PTPRQ: variants seen among roughly 807,000 people sequenced by gnomAD.
The protein encoded by PTPRQ is protein tyrosine phosphatase receptor type Q, also known as phosphatidylinositol phosphatase PTPRQ.
PTPRQ carries 199 observed loss-of-function variants against 246.0 expected under a neutral mutation model. That is an observed-to-expected ratio of 0.81 (90% confidence interval 0.72 to 0.91). The LOEUF (loss-of-function observed/expected upper bound fraction) is 0.91. Ranked by LOEUF, PTPRQ falls within the 40% of genes least tolerant of loss-of-function variation. The probability of loss-of-function intolerance (pLI) is 0.00; values close to 1 mark genes in which losing one functional copy is unlikely to be tolerated. For synonymous variants in PTPRQ, 869 were observed against 853.2 expected (o/e 1.02, Z -0.32); for missense variants, 2,624 against 2,528.4 (o/e 1.04, Z -0.81).
intron 3 of PTPRQ, among the ~76,000 whole-genome samples, chr12:80,450,285 G>A (rs369383297): frequency 1.1e-4 from 17 of 152,224 alleles, no homozygotes; most frequent in South Asian, 2.1e-4. Flanking sequence ...GGGCTGAGAC[G>A]ATGGGGTTTT....
At chr12:80,480,342 C>T (rs1334721006) in intron 8 of PTPRQ, among the ~76,000 whole-genome samples, 4 of 152,100 alleles carry the variant, frequency 2.6e-5, no homozygotes, top group Non-Finnish European at 4.4e-5. Flanking sequence ...AAAGACACAA[C>T]ATACCAGAAT....
intron 33 of PTPRQ, among the ~76,000 whole-genome samples, chr12:80,622,614 C>T (rs543005051): frequency 6.6e-6 from 1 of 152,132 alleles, no homozygotes; most frequent in South Asian, 2.1e-4. Flanking sequence ...GATGAGGAAA[C>T]CAACACCCAG....
chr12:80,613,980 T>TCAGTTCTCAAAATTTA, intron 29 of PTPRQ, 144 bp downstream of exon 29: 1 of 1,064,578 alleles, frequency 9.4e-7, no homozygotes, highest in Non-Finnish European at 1.2e-6. Flanking sequence ...AAAATAAATT[T>TCAGTTCTCAAAATTTA]TGAGAACTGA....
chr12:80,565,550 A>G (rs1592661631), intron 25 of PTPRQ, among the ~76,000 whole-genome samples: 2 of 152,294 alleles, frequency 1.3e-5, no homozygotes, highest in Middle Eastern at 6.8e-3. Context: ...ATGTGTGTGC[A>G]TGCAAAAGCC....
chr12:80,597,516 A>C (rs907540937), intron 26 of PTPRQ, among the ~76,000 whole-genome samples: 1 of 152,040 alleles, frequency 6.6e-6, no homozygotes, highest in African/African-American at 2.4e-5. Flanking sequence ...TGATGGCTTG[A>C]TACATGTTTC....
chr12:80,591,173 T>G lies in PTPRQ; in HGVS notation c.4609+2721T>G, dbSNP rs1392044907. On this transcript the variant is annotated intron_variant, in intron 26 of 44. Transcript: ENST00000644991. ...CAGGATCTCATTCTTTCACCCAGGC[T>G]GGGGTGCTGGGGCACGGTCACAGCT... Among the ~76,000 whole-genome samples the G allele has an allele frequency of 2.8e-5, 4 of 142,558 alleles. 1 individual carries two copies. In the East Asian group the frequency reaches 8.9e-4, roughly 32 times the overall value. 93.5% of individuals were successfully genotyped at this position (142,558 alleles called of 152,430 possible).
intron 27 of PTPRQ, among the ~76,000 whole-genome samples, chr12:80,609,381 G>C (rs1016121507): frequency 4.7e-5 from 7 of 150,356 alleles, no homozygotes; most frequent in African/African-American, 1.7e-4. Flanking sequence ...AAGTTATAAG[G>C]GAAGGTCAAG....
At position 80,539,763 on chromosome 12, in the gene PTPRQ, G is replaced by T; in HGVS notation, c.2986-13G>T. 3.3e-6 allele frequency: 5 copies of T among 1,518,702 alleles called. No individual in the cohort carries two copies. The highest frequency in any genetic ancestry group is 4.4e-6 in the Non-Finnish European group (5 of 1,134,400). The allele number at this position is 1,518,702 out of a possible 1,614,324, so 94.1% of individuals were successfully genotyped here. On this transcript the variant is annotated splice_polypyrimidine_tract_variant and intron_variant, in intron 19 of 44. Transcript: ENST00000644991. ...AAAATACATTCTGAACAATGAATGT[G>T]TTTATTTTTCAGAATTTTACACTCC... is the stretch of plus-strand genomic sequence containing the variant.
At chr12:80,614,922 T>C (rs960203790) in intron 29 of PTPRQ, among the ~76,000 whole-genome samples, 6 of 151,038 alleles carry the variant, frequency 4.0e-5, no homozygotes, top group African/African-American at 1.2e-4. Context: ...TGCAACTAAT[T>C]AATAATTTTT....
intron 17 of PTPRQ, among the ~76,000 whole-genome samples, chr12:80,529,672 G>GA (rs566558049): frequency 0.014 from 2,130 of 149,392 alleles, 50 homozygotes; most frequent in African/African-American, 0.05. Flanking sequence ...TATGTCTTTT[G>GA]AAAAAAAAAT....
rs961942955 is a variant in PTPRQ at position 80,610,147 on chromosome 12, C to A, written c.4732-292C>A. Reference sequence around the variant, plus strand: ...GCTTTCTTCTACAAAATATTGGAGTCAAAAGTAGAGTTTCATTGACTGCAA... The same window carrying A: ...GCTTTCTTCTACAAAATATTGGAGTAAAAAGTAGAGTTTCATTGACTGCAA... On this transcript the variant is annotated intron_variant, in intron 27 of 44. Coordinates refer to ENST00000644991, the MANE Select transcript of PTPRQ (RefSeq NM_001145026.2). 3.3e-5 allele frequency among the ~76,000 whole-genome samples: 5 copies of A among 150,368 alleles called. No homozygotes were observed. The South Asian group carries it at 8.3e-4, about 25-fold the overall frequency.
intron 43 of PTPRQ, among the ~76,000 whole-genome samples, chr12:80,675,075 T>C (rs2121295935): frequency 6.6e-6 from 1 of 152,238 alleles, no homozygotes; most frequent in South Asian, 2.1e-4. Context: ...CATTCCCTCA[T>C]ATACTGAGTT....
At chr12:80,508,546 A>C (rs894225805) in intron 16 of PTPRQ, among the ~76,000 whole-genome samples, 3 of 151,992 alleles carry the variant, frequency 2.0e-5, no homozygotes, top group Non-Finnish European at 2.9e-5. Flanking sequence ...TGAAGTCCTC[A>C]TGCCAGGTAG....
chr12:80,493,337 T>G lies in PTPRQ; in HGVS notation c.1422T>G (p.Tyr474Ter), dbSNP rs1310845455. Residue 474 changes from tyrosine to a stop codon, truncating the protein, a stop_gained, in exon 10 of 45, where the codon TAT (tyrosine) becomes TAG (stop). Coordinates refer to ENST00000644991, the MANE Select transcript of PTPRQ (RefSeq NM_001145026.2). LOFTEE classifies it high-confidence loss of function. ...VNIVEPMVGL[Y>*]EGSAEMSSDL... The stretch of plus-strand genomic sequence containing the variant: ...TAGTAGAGCCAATGGTAGGATTATA[T>G]GAGGGTTCAGCAGAGATGTCGTCTG... 3 of 1,549,708 alleles carry G rather than the reference T, an allele frequency of 1.9e-6. No individual in the cohort carries two copies. Among genetic ancestry groups the G allele is most frequent in the Non-Finnish European group, 2.6e-6 (3 of 1,145,722 alleles).
In PTPRQ at chr12:80,541,334, C is replaced by T. The variant is rs11114501; in HGVS notation, c.3155-221C>T. On this transcript the variant is annotated intron_variant, in intron 20 of 44. Transcript: ENST00000644991. The stretch of plus-strand genomic sequence containing the variant: ...TCAAGAGAATATTATAGAAACAATT[C>T]CCATACATATTAAAGATGACAGAGT... 8.6e-3 allele frequency among the ~76,000 whole-genome samples: 1,306 copies of T among 151,956 alleles called. 17 individuals carry two copies. Among genetic ancestry groups the T allele is most frequent in the African/African-American group, 0.03 (1,246 of 41,454 alleles).
rs553420087 is a variant in PTPRQ, at chr12:80,630,719, A to AT, written c.5687-1464dup. Reference sequence around the variant, plus strand: ...ATTTCGTTAGAAATACTGATTATTAATTTTTTTTTATTTTGAGCTGGTGTT... The same window carrying AT: ...ATTTCGTTAGAAATACTGATTATTAATTTTTTTTTTATTTTGAGCTGGTGTT... On this transcript the variant is annotated intron_variant, in intron 33 of 44. Coordinates refer to ENST00000644991, the MANE Select transcript of PTPRQ (RefSeq NM_001145026.2). 8.3e-4 allele frequency among the ~76,000 whole-genome samples: 126 copies of AT among 151,656 alleles called. 1 individual carries two copies. The highest frequency in any genetic ancestry group is 5.9e-3 in the South Asian group (28 of 4,782).
At chr12:80,473,045 ACG>A (rs10641262) in intron 8 of PTPRQ, among the ~76,000 whole-genome samples, 14 of 92,388 alleles carry the variant, frequency 1.5e-4, no homozygotes, top group East Asian at 6.1e-4. Context: ...ACTCACACAC[ACG>A]CACACACACA....
At chr12:80,484,386 T>C (rs1894199262) in intron 8 of PTPRQ, 47 bp from the exon 9 acceptor site, 2 of 1,410,064 alleles carry the variant, frequency 1.4e-6, no homozygotes, top group South Asian at 1.3e-5. Context: ...CTTGAAAAAA[T>C]ATTTTTAATT....
At chr12:80,510,560 G>T in intron 17 of PTPRQ, 117 bp downstream of exon 17, 2 of 1,026,182 alleles carry the variant, frequency 1.9e-6, no homozygotes, top group Non-Finnish European at 2.6e-6. Context: ...ATTATTAATA[G>T]GCTAGTTAAT....
Sources: gnomAD v4.1 joint callset for allele counts (sites outside exome capture counted in the v4.1 genomes callset) on GRCh38, gnomAD v4.1.1 for gene constraint, MANE v1.5 for transcripts, NCBI Gene and HGNC (gene_info 2026-07-23, HGNC 2026-07-21) for gene names.